The following PCSK4 variants were observed in gnomAD, a reference collection of about 807,000 sequenced individuals.
The protein encoded by PCSK4 is proprotein convertase subtilisin/kexin type 4.
PCSK4 carries 64 observed loss-of-function variants against 80.3 expected under a neutral mutation model. The observed-to-expected ratio is 0.80, with a 90% confidence interval of 0.65 to 0.98. The LOEUF (loss-of-function observed/expected upper bound fraction) is 0.98. PCSK4 is among the 50% of genes least tolerant of loss of function. The pLI, the probability that PCSK4 is intolerant of heterozygous loss-of-function variation, is 0.00. For synonymous variants in PCSK4, 561 were observed against 487.6 expected (o/e 1.15, Z -1.98); for missense variants, 1,213 against 1,093.6 (o/e 1.11, Z -1.54).
At chr19:1,485,378 A>G (rs777942286) in intron 8 of PCSK4, among the ~76,000 whole-genome samples, 35 of 152,080 alleles carry the variant, frequency 2.3e-4, no homozygotes, top group Admixed American at 1.3e-4. Context: ...AGCCTGGCCA[A>G]CATGGTGAAA....
exon 14 of PCSK4, chr19:1,482,363 C>G (rs548223454): frequency 6.5e-7 from 1 of 1,542,746 alleles, no homozygotes; most frequent in East Asian, 2.4e-5. Flanking sequence ...CCTGGCACAG[C>G]CCCTCTGTGT....
intron 1 of PCSK4, 56 bp from the exon 2 acceptor site, chr19:1,489,953 C>T: frequency 6.4e-7 from 1 of 1,553,870 alleles, no homozygotes; most frequent in South Asian, 1.2e-5. Flanking sequence ...TGCTGAAGCC[C>T]CCGAGGGCCG....
exon 12 of PCSK4, chr19:1,483,403 G>A (rs1814924048): frequency 2.5e-6 from 4 of 1,604,102 alleles, no homozygotes; most frequent in East Asian, 2.2e-5. Flanking sequence ...AGCGGATGGA[G>A]TTGTGGAGGC....
chr19:1,484,194 G>C, intron 8 of PCSK4, 67 bp from the exon 9 acceptor site: 1 of 939,534 alleles, frequency 1.1e-6, no homozygotes, highest in Non-Finnish European at 1.6e-6. Flanking sequence ...TCTTCAAAAA[G>C]TACCAAGGAC....
chr19:1,483,107 C>G (rs2084392182), intron 12 of PCSK4, 87 bp from the exon 13 acceptor site: 1 of 1,340,876 alleles, frequency 7.5e-7, no homozygotes, highest in Non-Finnish European at 1.0e-6. Context: ...TCTGACCGCA[C>G]GCGCTGGTGG....
At chr19:1,481,773 G>A in exon 15 of PCSK4, 2 of 1,509,638 alleles carry the variant, frequency 1.3e-6, no homozygotes, top group Non-Finnish European at 1.8e-6. Flanking sequence ...GTTCCAGCTG[G>A]CAGCCAGACC....
exon 15 of PCSK4, chr19:1,482,182 C>A (rs1004399491): frequency 1.9e-6 from 3 of 1,551,694 alleles, no homozygotes; most frequent in African/African-American, 2.7e-5. Flanking sequence ...AGAGCTGTCC[C>A]AGGATGTAGG....
intron 1 of PCSK4, 119 bp downstream of exon 1, chr19:1,490,039 G>C: frequency 2.0e-6 from 3 of 1,520,198 alleles, no homozygotes; most frequent in Non-Finnish European, 2.7e-6. Context: ...GCTGAGGCAG[G>C]GGTGGGCTGG....
In PCSK4 at chr19:1,487,151, C is replaced by T. The variant is rs771922801; in HGVS notation, c.845G>A (p.Gly282Asp). The T allele has an allele frequency of 1.4e-5, 22 of 1,605,564 alleles. No homozygotes were observed. The South Asian group carries it at 2.1e-4, about 15-fold the overall frequency. Reference sequence around the variant, plus strand: ...CGGGCTGCCACTCACCTTGGTCACACCACGCCGGAAGGCCTCGCGGGTGAG... The same window carrying T: ...CGGGCTGCCACTCACCTTGGTCACATCACGCCGGAAGGCCTCGCGGGTGAG... Residue 282 changes from glycine (G) to aspartate (D), a missense_variant, in exon 7 of 15, where the codon GGT becomes GAT. Transcript: ENST00000300954.
chr19:1,487,942 C>T, intron 4 of PCSK4, 22 bp downstream of exon 4: 1 of 1,598,928 alleles, frequency 6.3e-7, no homozygotes, highest in African/African-American at 1.3e-5. Flanking sequence ...CAGCCCTCGC[C>T]CACAGCCACC....
chr19:1,483,742 C>T, exon 11 of PCSK4: 1 of 1,593,508 alleles, frequency 6.3e-7, no homozygotes, highest in Middle Eastern at 1.9e-4. Flanking sequence ...CGGCGTCCAG[C>T]AGCCCGTATC....
At chr19:1,483,254 G>T in intron 12 of PCSK4, 30 bp downstream of exon 12, 1 of 1,521,568 alleles carries the variant, frequency 6.6e-7, no homozygotes. Context: ...AGGGCATGAG[G>T]CCGCCCCCTC....
intron 14 of PCSK4, 59 bp downstream of exon 14, chr19:1,482,294 G>T: frequency 6.5e-7 from 1 of 1,531,576 alleles, no homozygotes; most frequent in South Asian, 1.2e-5. Context: ...CCACATGCAC[G>T]CTGCCCACGG....
chr19:1,482,085 C>T (rs748061778), exon 15 of PCSK4: 20 of 1,551,872 alleles, frequency 1.3e-5, no homozygotes, highest in Admixed American at 1.9e-5. Flanking sequence ...CTGGAGCAGA[C>T]CCTCAGCGCG....
At chr19:1,483,322 G>A (rs776587790) in exon 12 of PCSK4, 4 of 1,609,102 alleles carry the variant, frequency 2.5e-6, no homozygotes, top group East Asian at 2.2e-5. Context: ...CCATGGGGCT[G>A]GTGAGCGAGA....
chr19:1,482,231 G>C (rs1390482376), intron 14 of PCSK4, 24 bp from the exon 15 acceptor site: 1 of 1,524,402 alleles, frequency 6.6e-7, no homozygotes, highest in Non-Finnish European at 8.8e-7. Context: ...CGCACGCAAA[G>C]GCCCGTCAGC....
At chr19:1,487,648 T>C in exon 6 of PCSK4, 1 of 1,555,160 alleles carries the variant, frequency 6.4e-7, no homozygotes, top group Non-Finnish European at 8.7e-7. Flanking sequence ...CAGAAGCCAT[T>C]GTTGGCCATC....
rs1040531645 is a variant in PCSK4 at position 1,483,930 on chromosome 19, G to A, written c.1181C>T (p.Thr394Met). The change falls in exon 10 of 15, where the codon ACG becomes ATG. Residue 394 changes from threonine to methionine, a missense_variant. Transcript: ENST00000300954. ...CACCAGGTGCTGCATGTCTCTCCAC[G>A]TCAGGAACGGGCTGCGGGGGGCGGG... 2 of 1,458,066 alleles carry A rather than the reference G, an allele frequency of 1.4e-6. No homozygotes were observed. Among genetic ancestry groups the A allele is most frequent in the South Asian group, 1.3e-5 (1 of 76,178 alleles). 90.3% of individuals were successfully genotyped at this position (1,458,066 alleles called of 1,614,324 possible). A position where few individuals can be genotyped will look rare whatever the true frequency, so the allele number is the denominator to read the frequency against.
intron 4 of PCSK4, 26 bp from the exon 5 acceptor site, chr19:1,487,887 G>A (rs111625217): frequency 0.049 from 76,242 of 1,557,990 alleles, 2,081 homozygotes; most frequent in Middle Eastern, 0.06. Context: ...GATATGAGGG[G>A]GCCGGGAGGC....
Sources: gnomAD v4.1 joint callset for allele counts (sites outside exome capture counted in the v4.1 genomes callset) on GRCh38, gnomAD v4.1.1 for gene constraint, MANE v1.5 for transcripts, NCBI Gene and HGNC (gene_info 2026-07-23, HGNC 2026-07-21) for gene names.